The following EDARADD variants were observed in gnomAD, a reference collection of about 807,000 sequenced individuals.
EDARADD encodes the protein EDAR associated via death domain.
In EDARADD, 20 loss-of-function variants were observed where a neutral mutation model predicts 25.6. The observed-to-expected ratio is 0.78, with a 90% confidence interval of 0.55 to 1.14. The LOEUF is 1.14. Among genes scored for constraint, EDARADD ranks in the 50% most tolerant of loss-of-function variants. The pLI, the probability that EDARADD is intolerant of heterozygous loss-of-function variation, is 0.00. For missense variants in EDARADD, 225 were observed against 270.1 expected (o/e 0.83, Z 1.17); for synonymous variants, 86 against 94.4 (o/e 0.91, Z 0.52).
intron 3 of EDARADD, among the ~76,000 whole-genome samples, chr1:236,363,129 A>G (rs1320140448): frequency 1.4e-5 from 2 of 146,570 alleles, no homozygotes; most frequent in Non-Finnish European, 3.0e-5. Context: ...TGGCCTCCCA[A>G]AGTGCTGGGA....
At chr1:236,411,707 C>T (rs968992005) in intron 2 of EDARADD, among the ~76,000 whole-genome samples, 1 of 152,052 alleles carries the variant, frequency 6.6e-6, no homozygotes, top group Non-Finnish European at 1.5e-5. Context: ...CACCAACGGG[C>T]CTGGCTAATT....
At chr1:236,438,410 G>T (rs532528038) in intron 4 of EDARADD, among the ~76,000 whole-genome samples, 1 of 152,290 alleles carries the variant, frequency 6.6e-6, no homozygotes, top group Non-Finnish European at 1.5e-5. Context: ...CAGACTCTGG[G>T]ACAGAAGTGG....
At chr1:236,400,932 A>C (rs1482595281) in intron 1 of EDARADD, among the ~76,000 whole-genome samples, 1 of 152,048 alleles carries the variant, frequency 6.6e-6, no homozygotes, top group East Asian at 1.9e-4. Flanking sequence ...GCGGTGGCTC[A>C]CGCCTATAAT....
At chr1:236,363,214 C>G (rs1308534223) in intron 3 of EDARADD, among the ~76,000 whole-genome samples, 2 of 150,724 alleles carry the variant, frequency 1.3e-5, no homozygotes, top group African/African-American at 4.9e-5. Context: ...TTTCATTGAT[C>G]CATGTGTCAA....
chr1:236,433,513 G>A (rs1349946525), intron 4 of EDARADD, among the ~76,000 whole-genome samples: 1 of 151,490 alleles, frequency 6.6e-6, no homozygotes, highest in Non-Finnish European at 1.5e-5. Context: ...GTTTCACCAT[G>A]TTGGCCAGGC....
At chr1:236,463,586 G>A (rs531760903) in intron 4 of EDARADD, among the ~76,000 whole-genome samples, 6 of 152,272 alleles carry the variant, frequency 3.9e-5, no homozygotes, top group Non-Finnish European at 5.9e-5. Context: ...CCACTGTGCC[G>A]GGCCCATTTT....
At chr1:236,363,005 AAATATAT>A (rs1215767720) in intron 3 of EDARADD, among the ~76,000 whole-genome samples, 12 of 87,614 alleles carry the variant, frequency 1.4e-4, no homozygotes, top group Non-Finnish European at 2.4e-4. Flanking sequence ...AAAAAAAAAA[AAATATAT>A]ATATATATAT....
chr1:236,361,060 C>T (rs766465665), intron 3 of EDARADD, among the ~76,000 whole-genome samples: 4 of 152,152 alleles, frequency 2.6e-5, no homozygotes, highest in Non-Finnish European at 1.5e-5. Context: ...ACAAACGAAC[C>T]TGCTGTATTG....
intron 3 of EDARADD, among the ~76,000 whole-genome samples, chr1:236,385,371 T>C (rs1194061836): frequency 3.0e-5 from 4 of 132,642 alleles, no homozygotes; most frequent in Admixed American, 8.7e-5. Flanking sequence ...ATTGCACCAC[T>C]GCACTCCAGC....
At chr1:236,361,009 A>T (rs1667040468) in intron 3 of EDARADD, among the ~76,000 whole-genome samples, 1 of 152,178 alleles carries the variant, frequency 6.6e-6, no homozygotes, top group South Asian at 2.1e-4. Context: ...GACACCCAAA[A>T]TAGTCTCATT....
intron 4 of EDARADD, among the ~76,000 whole-genome samples, chr1:236,452,504 CT>C (rs68148475): frequency 0.028 from 3,611 of 127,182 alleles, 58 homozygotes; most frequent in Middle Eastern, 0.1. Context: ...GATCCCCCCT[CT>C]CTCTCTCTCT....
At chr1:236,405,341 C>A (rs1667688464) in intron 1 of EDARADD, among the ~76,000 whole-genome samples, 1 of 152,168 alleles carries the variant, frequency 6.6e-6, no homozygotes, top group Non-Finnish European at 1.5e-5. Context: ...GCCTCATAAC[C>A]CTCCAACACA....
intron 1 of EDARADD, among the ~76,000 whole-genome samples, chr1:236,405,747 TTC>T (rs759387761): frequency 2.0e-5 from 1 of 49,638 alleles, no homozygotes; most frequent in Non-Finnish European, 4.6e-5. Context: ...CTTTCTTTCT[TTC>T]TTTCTTTCTT....
intron 3 of EDARADD, among the ~76,000 whole-genome samples, chr1:236,364,626 C>G (rs1667089869): frequency 6.6e-6 from 1 of 152,126 alleles, no homozygotes; most frequent in Non-Finnish European, 1.5e-5. Flanking sequence ...CAGATTAATC[C>G]TTAAGTATTT....
At chr1:236,400,666 C>T (rs996044192) in intron 1 of EDARADD, among the ~76,000 whole-genome samples, 3 of 151,950 alleles carry the variant, frequency 2.0e-5, no homozygotes, top group Non-Finnish European at 4.4e-5. Flanking sequence ...GCAATCCTCC[C>T]ACCTCAGCCT....
intron 4 of EDARADD, among the ~76,000 whole-genome samples, chr1:236,436,165 CT>C (rs1410339092): frequency 2.3e-3 from 339 of 144,512 alleles, no homozygotes; most frequent in African/African-American, 4.3e-3. Context: ...TCTTTCTTTC[CT>C]TTTTTTTTTT....
At chr1:236,473,598 T>G (rs1659419736) in intron 5 of EDARADD, among the ~76,000 whole-genome samples, 1 of 152,054 alleles carries the variant, frequency 6.6e-6, no homozygotes, top group Admixed American at 6.6e-5. Flanking sequence ...GGCAACATAG[T>G]GAGACCCCTC....
rs541902946 is a variant in EDARADD at position 236,377,097 on chromosome 1, A to G, written c.-6+26258A>G. 1.9e-3 allele frequency among the ~76,000 whole-genome samples: 283 copies of G among 149,696 alleles called. 2 individuals carry two copies. The highest frequency in any genetic ancestry group is 6.6e-3 in the African/African-American group (269 of 41,040). Reference sequence around the variant, plus strand: ...CTCTTTCATGCTACCTACTCTATCCATTACAGCCCTTAACATATATATATT... The same window carrying G: ...CTCTTTCATGCTACCTACTCTATCCGTTACAGCCCTTAACATATATATATT... On this transcript the variant is annotated intron_variant, in intron 3 of 7. Transcript: ENST00000439430.
intron 3 of EDARADD, among the ~76,000 whole-genome samples, chr1:236,353,347 C>T (rs950950324): frequency 2.6e-5 from 4 of 152,152 alleles, no homozygotes; most frequent in African/African-American, 9.7e-5. Context: ...TGGACACCCA[C>T]TGTGCATGAG....
Sources: gnomAD v4.1 joint callset for allele counts (sites outside exome capture counted in the v4.1 genomes callset) on GRCh38, gnomAD v4.1.1 for gene constraint, MANE v1.5 for transcripts, NCBI Gene and HGNC (gene_info 2026-07-23, HGNC 2026-07-21) for gene names.